Variants in ZNF525 observed in about 807,000 individuals in gnomAD.
ZNF525 encodes zinc finger protein 525.
Under a neutral mutation model 37.6 loss-of-function variants are expected in ZNF525, and 33 were observed. That is an observed-to-expected ratio of 0.88 (90% CI 0.67 to 1.17). The LOEUF is 1.17. ZNF525 is among the 50% of genes most tolerant of loss of function. The pLI is 0.00. For synonymous variants in ZNF525, 170 were observed against 182.3 expected (o/e 0.93, Z 0.54); for missense variants, 449 against 543.1 (o/e 0.83, Z 1.72).
At chr19:53,372,421 T>TC (rs1248353938) in intron 2 of ZNF525, 125 bp downstream of exon 2, 2 of 745,140 alleles carry the variant, frequency 2.7e-6, no homozygotes, top group Non-Finnish European at 4.9e-6. Flanking sequence ...ACCCATGCCT[T>TC]CCCTCAGTCC....
intron 1 of ZNF525, among the ~76,000 whole-genome samples, chr19:53,366,863 G>A (rs59746335): frequency 0.099 from 14,972 of 151,016 alleles, 767 homozygotes; most frequent in East Asian, 0.18. Context: ...ATGGTGTTGC[G>A]GGAAACTGAG....
chr19:53,366,429 GAGAC>G lies in ZNF525; in HGVS notation c.-68+677_-68+680del, dbSNP rs907954550. ...TGATTGTGTGGGCCAAAGGGATCGGGAGACAGACAGCAGTAGAAAACCTGAGACA... is the reference window on the plus strand; with the variant it reads ...TGATTGTGTGGGCCAAAGGGATCGGGAGACAGCAGTAGAAAACCTGAGACA... On this transcript the variant is annotated intron_variant, in intron 1 of 3. Transcript: ENST00000474037. 7.3e-5 allele frequency among the ~76,000 whole-genome samples: 11 copies of G among 151,700 alleles called. No homozygotes were observed. The South Asian group carries it at 8.3e-4, about 11-fold the overall frequency.
intron 1 of ZNF525, among the ~76,000 whole-genome samples, chr19:53,371,359 C>T (rs2085487016): frequency 6.6e-6 from 1 of 151,886 alleles, no homozygotes. Context: ...CCACCACACT[C>T]AGCTAATTAT....
At chr19:53,370,172 GCA>G (rs1462531829) in intron 1 of ZNF525, among the ~76,000 whole-genome samples, 1 of 150,624 alleles carries the variant, frequency 6.6e-6, no homozygotes, top group Non-Finnish European at 1.5e-5. Context: ...TGTAATCCTA[GCA>G]CTTTGGGAGG....
intron 3 of ZNF525, chr19:53,379,526 T>A (rs974425815): frequency 3.9e-5 from 6 of 152,254 alleles, no homozygotes; most frequent in Admixed American, 2.0e-4. Flanking sequence ...TGGTGGTAAG[T>A]AGAAGTTGTG....
In ZNF525 at chr19:53,375,036, A is replaced by G. The variant is rs570187020; in HGVS notation, c.16-734A>G. ...ACCACAGGTGCCTGCCACCATGCCC[A>G]GCTAATTTTTTTTTTTTTGAGATGG... is the stretch of plus-strand genomic sequence containing the variant. On this transcript the variant is annotated intron_variant, in intron 2 of 3. Transcript: ENST00000474037. 6.1e-4 allele frequency among the ~76,000 whole-genome samples: 92 copies of G among 150,026 alleles called. 1 individual carries two copies. The East Asian group carries it at 0.017, about 28-fold the overall frequency.
Position 53,381,770 on chromosome 19 carries a change from C to G in ZNF525, c.1191C>G (p.Thr397=), listed in dbSNP as rs751809980. 3 of 1,052,596 alleles carry G rather than the reference C, an allele frequency of 2.9e-6. No homozygotes were observed. Among genetic ancestry groups the G allele is most frequent in the Admixed American group, 3.4e-5 (2 of 59,290 alleles). 65.2% of individuals were successfully genotyped at this position (1,052,596 alleles called of 1,614,324 possible). ...GCAAGACCTTCAGTCATATGTCAAC[C>G]CTTACATGCCATCGTAGACTTCATA... ...DCGKTFSHMS[T]LTCHRRLHTG... is the part of the protein sequence containing the mutation. The change falls in exon 4 of 4, where the codon ACC becomes ACG. Residue 397 remains threonine, a synonymous_variant. Coordinates refer to ENST00000474037, the MANE Select transcript of ZNF525 (RefSeq NM_001348156.2).
Position 53,381,431 on chromosome 19 carries a change from A to G in ZNF525, c.852A>G (p.Ser284=), listed in dbSNP as rs2147073867. ...NECGKSFSQM[S]SLTYHHRLHT... ...GTGGCAAGTCCTTCAGTCAGATGTCATCCCTTACATATCATCATCGACTTC... is the reference window on the plus strand; with the variant it reads ...GTGGCAAGTCCTTCAGTCAGATGTCGTCCCTTACATATCATCATCGACTTC... The change falls in exon 4 of 4, where the codon TCA becomes TCG. Residue 284 remains serine, a synonymous_variant. Coordinates refer to ENST00000474037, the MANE Select transcript of ZNF525 (RefSeq NM_001348156.2). 6.5e-7 allele frequency: 1 copy of G among 1,534,790 alleles called. No homozygotes were observed. Among genetic ancestry groups the G allele is most frequent in the Non-Finnish European group, 9.0e-7 (1 of 1,107,888 alleles).
intron 3 of ZNF525, among the ~76,000 whole-genome samples, chr19:53,377,926 C>T (rs925082481): frequency 3.9e-5 from 6 of 152,154 alleles, no homozygotes; most frequent in African/African-American, 1.2e-4. Flanking sequence ...ATTTATAGTA[C>T]AGGCCCTAAA....
In ZNF525 at chr19:53,386,419, A is replaced by T; in HGVS notation, c.*4400A>T. On this transcript the variant is annotated 3_prime_UTR_variant, in exon 4 of 4. Coordinates refer to ENST00000474037, the MANE Select transcript of ZNF525 (RefSeq NM_001348156.2). Reference sequence around the variant, plus strand: ...TGCATGTGAGATGGCACACATATTTATGCTGTCTGAGCATCACAATCACGT... The same window carrying T: ...TGCATGTGAGATGGCACACATATTTTTGCTGTCTGAGCATCACAATCACGT... 1.3e-6 allele frequency: 1 copy of T among 799,664 alleles called. No homozygotes were observed. Among genetic ancestry groups the T allele is most frequent in the Non-Finnish European group, 2.1e-6 (1 of 468,436 alleles). The allele number at this position is 799,664 out of a possible 1,614,324, so 49.5% of individuals were successfully genotyped here. A position where few individuals can be genotyped will look rare whatever the true frequency, so the allele number is the denominator to read the frequency against.
chr19:53,367,419 G>A (rs992548930), intron 1 of ZNF525, among the ~76,000 whole-genome samples: 15 of 152,030 alleles, frequency 9.9e-5, no homozygotes, highest in Non-Finnish European at 1.9e-4. Context: ...GAAAGAGCAG[G>A]TTTTCTTCTT....
intron 2 of ZNF525, among the ~76,000 whole-genome samples, chr19:53,373,820 CAA>C (rs34058383): frequency 7.0e-5 from 10 of 143,530 alleles, no homozygotes; most frequent in African/African-American, 2.6e-4. Flanking sequence ...GACTTCGTCT[CAA>C]AAAAAAAAAA....
chr19:53,368,245 G>C (rs1232451953), intron 1 of ZNF525, among the ~76,000 whole-genome samples: 1 of 152,142 alleles, frequency 6.6e-6, no homozygotes, highest in Admixed American at 6.5e-5. Flanking sequence ...GCTTCAAGCT[G>C]ATACTATGTG....
In ZNF525 at chr19:53,381,170, G is replaced by C. The variant is rs2085557887; in HGVS notation, c.591G>C (p.Leu197=). The stretch of plus-strand genomic sequence containing the variant: ...CTAATAACTATGGGGATAATTTTCT[G>C]AATTATTCATTACTCACACAAAGAC... The part of the protein sequence containing the change: ...HISNNYGDNF[L]NYSLLTQRQE... The change falls in exon 4 of 4, where the codon CTG becomes CTC. Residue 197 remains leucine, a synonymous_variant. Transcript: ENST00000474037. 2.2e-6 allele frequency: 3 copies of C among 1,361,870 alleles called. No individual in the cohort carries two copies. In the South Asian group the frequency reaches 3.5e-5, roughly 16 times the overall value. 84.4% of individuals were successfully genotyped at this position (1,361,870 alleles called of 1,614,324 possible).
intron 1 of ZNF525, among the ~76,000 whole-genome samples, chr19:53,369,400 G>T (rs545967718): frequency 6.7e-6 from 1 of 149,914 alleles, no homozygotes; most frequent in East Asian, 1.9e-4. Context: ...CTAATTTTTT[G>T]TATTTTTAGT....
chr19:53,372,831 T>C (rs755803652), intron 2 of ZNF525, among the ~76,000 whole-genome samples: 2 of 152,204 alleles, frequency 1.3e-5, no homozygotes, highest in Non-Finnish European at 2.9e-5. Flanking sequence ...ACATGAATGA[T>C]ACAAGATGTT....
intron 1 of ZNF525, among the ~76,000 whole-genome samples, chr19:53,366,749 C>G (rs8107503): frequency 0.56 from 80,469 of 142,990 alleles, 23,255 homozygotes; most frequent in African/African-American, 0.73. Context: ...AGAGGGAGAA[C>G]CACAGCAGGG....
intron 1 of ZNF525, among the ~76,000 whole-genome samples, chr19:53,366,512 G>A (rs1469553260): frequency 6.7e-6 from 1 of 148,326 alleles, no homozygotes; most frequent in African/African-American, 2.5e-5. Context: ...GAGGATGGGT[G>A]AGGGATTTGC....
intron 2 of ZNF525, among the ~76,000 whole-genome samples, chr19:53,374,153 G>C (rs1277323428): frequency 1.3e-5 from 2 of 152,108 alleles, no homozygotes; most frequent in Non-Finnish European, 2.9e-5. Flanking sequence ...AAACAGCTGG[G>C]ATTACAGGTG....
Sources: allele counts gnomAD v4.1 joint callset (sites outside exome capture counted in the v4.1 genomes callset), GRCh38; gene constraint gnomAD v4.1.1; transcripts MANE v1.5; gene names NCBI Gene and HGNC (gene_info 2026-07-23, HGNC 2026-07-21).